Variants in NAT1 observed in about 807,000 individuals in gnomAD.
The protein encoded by NAT1 is N-acetyltransferase 1.
For synonymous variants in NAT1, 144 were observed against 122.6 expected (o/e 1.17, Z -1.16); for missense variants, 400 against 339.2 (o/e 1.18, Z -1.41).
chr8:18,217,647 T>C (rs866898159), intron 1 of NAT1, among the ~76,000 whole-genome samples: 28 of 152,308 alleles, frequency 1.8e-4, no homozygotes, highest in African/African-American at 5.1e-4. Flanking sequence ...ACAGGAATAC[T>C]GAAAAAGGCA....
At chr8:18,216,837 A>G (rs1804722562) in intron 1 of NAT1, 5 of 1,258,004 alleles carry the variant, frequency 4.0e-6, no homozygotes, top group Admixed American at 2.1e-5. Flanking sequence ...AAAAATGGTA[A>G]GGGGGAACTC....
upstream of NAT1, among the ~76,000 whole-genome samples, chr8:18,207,949 G>C (rs565754327): frequency 1.3e-5 from 2 of 152,324 alleles, no homozygotes; most frequent in Admixed American, 1.3e-4. Flanking sequence ...AAAGGAATCA[G>C]ATCATGTCCT....
chr8:18,201,663 A>T (rs1589087020), intron 2 of NAT1, among the ~76,000 whole-genome samples: 1 of 152,218 alleles, frequency 6.6e-6, no homozygotes, highest in South Asian at 2.1e-4. Flanking sequence ...GCTGACTGGC[A>T]TTGGGTTGGC....
chr8:18,211,605 A>G (rs181602415), intron 1 of NAT1, among the ~76,000 whole-genome samples: 1 of 152,284 alleles, frequency 6.6e-6, no homozygotes, highest in East Asian at 1.9e-4. Flanking sequence ...GCCTGGCCCC[A>G]GTCGGCATTA....
intron 2 of NAT1, among the ~76,000 whole-genome samples, chr8:18,181,807 T>A (rs928152714): frequency 6.6e-6 from 1 of 152,164 alleles, no homozygotes; most frequent in Non-Finnish European, 1.5e-5. Flanking sequence ...TTTTATGAAA[T>A]GTTTCCGCTT....
chr8:18,199,481 T>C (rs1028199872), intron 2 of NAT1, among the ~76,000 whole-genome samples: 7 of 152,136 alleles, frequency 4.6e-5, no homozygotes, highest in Admixed American at 4.6e-4. Context: ...CTAGAGACCC[T>C]GAGACCCCTT....
chr8:18,187,681 A>G (rs1057425061), intron 2 of NAT1, among the ~76,000 whole-genome samples: 30 of 152,160 alleles, frequency 2.0e-4, no homozygotes, highest in African/African-American at 7.2e-4. Context: ...AGAAGGGAAT[A>G]ACACACACTG....
chr8:18,201,425 G>C lies in NAT1; in HGVS notation n.93-8356G>C, dbSNP rs568787913. 1.7e-4 allele frequency among the ~76,000 whole-genome samples: 26 copies of C among 152,238 alleles called. No individual in the cohort carries two copies. In the South Asian group the frequency reaches 5.4e-3, roughly 32 times the overall value. ...TCACTGCAATCAGGCATCCAGGACA[G>C]TGATCATATGGTCCCACACTACCTC... On this transcript the variant is annotated intron_variant and non_coding_transcript_variant, in intron 2 of 4. Coordinates refer to the NAT1 transcript ENST00000517441.
rs1443224951 is a variant in NAT1 at position 18,175,290 on chromosome 8, GCAAC to G, written n.92+4555_92+4558del. 2.0e-5 allele frequency among the ~76,000 whole-genome samples: 3 copies of G among 151,796 alleles called. No individual in the cohort carries two copies. The East Asian group carries it at 5.8e-4, about 29-fold the overall frequency. ...TTATTAATTATGGTCAAAATGCAGTGCAACCAATCACTAAATCTGATTCCTCCAG... is the reference window on the plus strand; with the variant it reads ...TTATTAATTATGGTCAAAATGCAGTGCAATCACTAAATCTGATTCCTCCAG... On this transcript the variant is annotated intron_variant and non_coding_transcript_variant, in intron 2 of 4. Coordinates refer to the NAT1 transcript ENST00000517441.
intron 2 of NAT1, among the ~76,000 whole-genome samples, chr8:18,175,812 CT>C: frequency 1.3e-5 from 2 of 152,134 alleles, no homozygotes; most frequent in Middle Eastern, 6.8e-3. Flanking sequence ...AATGACTGTA[CT>C]AATTTATGTT....
chr8:18,183,828 T>C (rs1307160829), intron 2 of NAT1, among the ~76,000 whole-genome samples: 1 of 152,194 alleles, frequency 6.6e-6, no homozygotes, highest in Non-Finnish European at 1.5e-5. Flanking sequence ...CAATAGGGCC[T>C]TACATCTTAA....
At chr8:18,194,011 T>G (rs748217368) in intron 2 of NAT1, among the ~76,000 whole-genome samples, 27 of 152,158 alleles carry the variant, frequency 1.8e-4, no homozygotes, top group Non-Finnish European at 3.7e-4. Flanking sequence ...CTTTCAAACC[T>G]GTGGATCCTG....
intron 2 of NAT1, among the ~76,000 whole-genome samples, chr8:18,199,198 C>T (rs77839869): frequency 0.011 from 1,704 of 151,308 alleles, 10 homozygotes; most frequent in Middle Eastern, 0.031. Flanking sequence ...TCTATAGTCT[C>T]AGCTACTTGG....
rs201673392 is a variant in NAT1, at chr8:18,199,625, CTT to C, written n.93-10154_93-10153del. On this transcript the variant is annotated intron_variant and non_coding_transcript_variant, in intron 2 of 4. Transcript: ENST00000517441. ...TCTCTTGAATTGAGTTCCCTGAACT[CTT>C]TGGCTTTTGGGAGTAGTACCAGGAA... is the stretch of plus-strand genomic sequence containing the variant. Among the ~76,000 whole-genome samples the C allele has an allele frequency of 7.2e-5, 11 of 152,260 alleles. No homozygotes were observed. In the East Asian group the frequency reaches 7.7e-4, roughly 11 times the overall value.
intron 2 of NAT1, among the ~76,000 whole-genome samples, chr8:18,189,834 G>C (rs1179139861): frequency 6.6e-6 from 1 of 152,122 alleles, no homozygotes; most frequent in African/African-American, 2.4e-5. Context: ...CTGTTACCCA[G>C]GCTGGAGTGC....
At chr8:18,182,680 T>C (rs1802567555) in intron 2 of NAT1, among the ~76,000 whole-genome samples, 1 of 152,182 alleles carries the variant, frequency 6.6e-6, no homozygotes, top group African/African-American at 2.4e-5. Context: ...GCAGAGTAAT[T>C]CTCCCCACAT....
chr8:18,216,777 A>T, intron 1 of NAT1: 2 of 656,328 alleles, frequency 3.0e-6, no homozygotes, highest in Non-Finnish European at 2.5e-6. Flanking sequence ...GTTGACAGAC[A>T]GATACTGGGT....
rs8190863 is a variant in NAT1, at chr8:18,223,424, C to T, written c.*504C>T. ...CTTGTCTCTTAAATTACTTTACTTC[C>T]TTGCACACTTTGCCATACAAGAATG... On this transcript the variant is annotated 3_prime_UTR_variant, in exon 3 of 3. Coordinates refer to ENST00000307719, the MANE Select transcript of NAT1 (RefSeq NM_000662.8). 2,891 of 167,106 alleles carry T rather than the reference C, an allele frequency of 0.017. 50 individuals carry two copies. Among genetic ancestry groups the T allele is most frequent in the Middle Eastern group, 0.084 (25 of 296 alleles). The allele number at this position is 167,106 out of a possible 1,614,324, so 10.4% of individuals were successfully genotyped here.
intron 2 of NAT1, among the ~76,000 whole-genome samples, chr8:18,177,550 A>G (rs971652): frequency 0.34 from 51,406 of 152,022 alleles, 10,501 homozygotes; most frequent in Non-Finnish European, 0.46. Flanking sequence ...TAGGTATTAC[A>G]TGAAATTCCA....
Sources: allele counts gnomAD v4.1 joint callset (sites outside exome capture counted in the v4.1 genomes callset), GRCh38; gene constraint gnomAD v4.1.1; transcripts MANE v1.5; gene names NCBI Gene and HGNC (gene_info 2026-07-23, HGNC 2026-07-21).